Variants in ARIH1 observed in about 807,000 individuals in gnomAD.
ARIH1 encodes E3 ubiquitin-protein ligase ARIH1.
A neutral mutation model predicts 85.0 loss-of-function variants in ARIH1; 8 were observed. The ratio of observed to expected loss-of-function variants is 0.09; its 90% CI spans 0.06 to 0.17. ARIH1 has a LOEUF of 0.17. Ranked by LOEUF, ARIH1 falls within the 10% of genes least tolerant of loss-of-function variation. The pLI is 1.00. For missense variants in ARIH1, 311 were observed against 718.1 expected (o/e 0.43, Z 6.48); for synonymous variants, 238 against 253.6 (o/e 0.94, Z 0.59).
At chr15:72,533,087 GA>G (rs1739967576) in intron 2 of ARIH1, among the ~76,000 whole-genome samples, 1 of 152,134 alleles carries the variant, frequency 6.6e-6, no homozygotes, top group Non-Finnish European at 1.5e-5. Context: ...ATCAAAAAAT[GA>G]AAACAAAATA....
Position 72,602,542 on chromosome 15 carries a change from C to G in ARIH1, c.*19250C>G, listed in dbSNP as rs1430635790. The G allele has an allele frequency of 6.6e-6, 1 of 152,214 alleles. No individual in the cohort carries two copies. Among genetic ancestry groups the G allele is most frequent in the African/African-American group, 2.4e-5 (1 of 41,448 alleles). 9.4% of individuals were successfully genotyped at this position (152,214 alleles called of 1,614,324 possible). A position where few individuals can be genotyped will look rare whatever the true frequency, so the allele number is the denominator to read the frequency against. ...GTCTCGCCCTTGCAATTTAGATGTA[C>G]AATCTGCCTCTTCAGTGGTTTCCAC... On this transcript the variant is annotated 3_prime_UTR_variant, in exon 14 of 14. Transcript: ENST00000379887.
rs547838202 is a variant in ARIH1 at position 72,482,151 on chromosome 15, A to G, written c.375+7137A>G. Among the ~76,000 whole-genome samples the G allele has an allele frequency of 2.6e-5, 4 of 152,254 alleles. No individual in the cohort carries two copies. In the East Asian group the frequency reaches 7.7e-4, roughly 29 times the overall value. On this transcript the variant is annotated intron_variant, in intron 1 of 13. Transcript: ENST00000379887. ...GCACCCGGCCAGTATTTTCAAATAG[A>G]CAAACTAAACTAGTGACATCTGACA... is the stretch of plus-strand genomic sequence containing the variant.
intron 9 of ARIH1, among the ~76,000 whole-genome samples, chr15:72,568,173 G>A (rs551738277): frequency 1.3e-5 from 2 of 152,080 alleles, no homozygotes; most frequent in East Asian, 1.9e-4. Flanking sequence ...AAACCATCAC[G>A]ATAAGCATAA....
At position 72,556,028 on chromosome 15, in the gene ARIH1, G is replaced by C. The variant is rs1460575963; in HGVS notation, c.737+121G>C. 1.3e-5 allele frequency: 10 copies of C among 771,440 alleles called. No homozygotes were observed. The East Asian group carries it at 1.9e-4, about 15-fold the overall frequency. The allele number at this position is 771,440 out of a possible 1,614,324, so 47.8% of individuals were successfully genotyped here. ...AAAGTCTGAAGAAACTTTTTAATCT[G>C]CGTTCCTTAGTAGTAGTACAAAAGC... On this transcript the variant is annotated intron_variant, in intron 5 of 13. Transcript: ENST00000379887.
intron 11 of ARIH1, among the ~76,000 whole-genome samples, chr15:72,573,579 A>G (rs1442905580): frequency 6.6e-6 from 1 of 152,154 alleles, no homozygotes; most frequent in Non-Finnish European, 1.5e-5. Flanking sequence ...TAATAAAATG[A>G]CTGGGAAATT....
chr15:72,487,369 C>T (rs1421969178), intron 1 of ARIH1, among the ~76,000 whole-genome samples: 1 of 152,192 alleles, frequency 6.6e-6, no homozygotes. Flanking sequence ...TATGTCCTCT[C>T]TCCTAATCAC....
chr15:72,587,454 T>G lies in ARIH1; in HGVS notation c.*4162T>G. On this transcript the variant is annotated 3_prime_UTR_variant, in exon 14 of 14. Coordinates refer to ENST00000379887, the MANE Select transcript of ARIH1 (RefSeq NM_005744.5). ...GAATAAGTGGTTTAGTATGATTTGC[T>G]TAATAGTACCCAAGTAATTTGCAGT... The G allele has an allele frequency of 6.7e-6, 2 of 298,318 alleles. No homozygotes were observed. The highest frequency in any genetic ancestry group is 1.3e-5 in the Non-Finnish European group (2 of 152,368). 18.5% of individuals were successfully genotyped at this position (298,318 alleles called of 1,614,324 possible). A position where few individuals can be genotyped will look rare whatever the true frequency, so the allele number is the denominator to read the frequency against.
intron 2 of ARIH1, among the ~76,000 whole-genome samples, chr15:72,541,047 A>T (rs956026828): frequency 1.3e-5 from 2 of 152,152 alleles, no homozygotes; most frequent in African/African-American, 4.8e-5. Context: ...GGCCAACGCT[A>T]GTATGGAGGC....
At chr15:72,569,213 C>T (rs1388105384) in intron 9 of ARIH1, among the ~76,000 whole-genome samples, 6 of 152,100 alleles carry the variant, frequency 3.9e-5, no homozygotes, top group Non-Finnish European at 2.9e-5. Flanking sequence ...GAGACTGAGG[C>T]AGGAGGATGA....
At chr15:72,539,667 C>T (rs926627500) in intron 2 of ARIH1, among the ~76,000 whole-genome samples, 7 of 152,014 alleles carry the variant, frequency 4.6e-5, no homozygotes, top group African/African-American at 1.7e-4. Context: ...TAATTAATAT[C>T]CAAATGACAT....
chr15:72,479,864 A>G (rs999904127), intron 1 of ARIH1, among the ~76,000 whole-genome samples: 1 of 150,268 alleles, frequency 6.7e-6, no homozygotes, highest in African/African-American at 2.5e-5. Context: ...ACAGTGTACT[A>G]TTCTTTTTTT....
At chr15:72,517,581 C>T (rs2063980970) in intron 1 of ARIH1, among the ~76,000 whole-genome samples, 3 of 151,992 alleles carry the variant, frequency 2.0e-5, no homozygotes, top group Admixed American at 6.5e-5. Context: ...TGTACCACTA[C>T]ACCTGGCTAA....
At chr15:72,545,231 A>G (rs913364990) in intron 3 of ARIH1, among the ~76,000 whole-genome samples, 4 of 152,198 alleles carry the variant, frequency 2.6e-5, no homozygotes, top group Non-Finnish European at 5.9e-5. Flanking sequence ...TTATTCTATC[A>G]CCATGGGAGA....
chr15:72,570,056 T>C (rs1460930647), intron 9 of ARIH1, 121 bp from the exon 10 acceptor site: 2 of 1,095,658 alleles, frequency 1.8e-6, no homozygotes, highest in East Asian at 4.9e-5. Flanking sequence ...GTGCTTTATA[T>C]GTATTAACCA....
chr15:72,584,332 C>T lies in ARIH1; in HGVS notation c.*1040C>T, dbSNP rs2064307035. Reference sequence around the variant, plus strand: ...AATCCCCCTCCATGGCATCATGCCTCTACCCAAGCCTTTGTGTGCCCATGT... The same window carrying T: ...AATCCCCCTCCATGGCATCATGCCTTTACCCAAGCCTTTGTGTGCCCATGT... On this transcript the variant is annotated 3_prime_UTR_variant, in exon 14 of 14. Coordinates refer to ENST00000379887, the MANE Select transcript of ARIH1 (RefSeq NM_005744.5). 2 of 152,244 alleles carry T rather than the reference C, an allele frequency of 1.3e-5. No homozygotes were observed. Among genetic ancestry groups the T allele is most frequent in the African/African-American group, 4.8e-5 (2 of 41,462 alleles). The allele number at this position is 152,244 out of a possible 1,614,324, so 9.4% of individuals were successfully genotyped here. A position where few individuals can be genotyped will look rare whatever the true frequency, so the allele number is the denominator to read the frequency against.
At position 72,585,056 on chromosome 15, in the gene ARIH1, G is replaced by A. The variant is rs1181108799; in HGVS notation, c.*1764G>A. 1.3e-5 allele frequency: 2 copies of A among 152,004 alleles called. No homozygotes were observed. The highest frequency in any genetic ancestry group is 2.9e-5 in the Non-Finnish European group (2 of 67,986). 9.4% of individuals were successfully genotyped at this position (152,004 alleles called of 1,614,324 possible). On this transcript the variant is annotated 3_prime_UTR_variant, in exon 14 of 14. Transcript: ENST00000379887. ...CATCCTATTACTCCATTGGGAAGTA[G>A]GTTCACTTTCCTCTGGCCTTTTGCC... is the stretch of plus-strand genomic sequence containing the variant.
At chr15:72,543,036 G>A (rs892244660) in intron 2 of ARIH1, among the ~76,000 whole-genome samples, 5 of 150,638 alleles carry the variant, frequency 3.3e-5, no homozygotes, top group Non-Finnish European at 5.9e-5. Context: ...GGATTCAAGC[G>A]GTTCTCATGC....
rs1017004620 is a variant in ARIH1 at position 72,593,381 on chromosome 15, T to G, written c.*10089T>G. ...AACAAATTTTTTTTATAAAATCCAC[T>G]TTATCAGTTTTTTATTTTATGGTTT... On this transcript the variant is annotated 3_prime_UTR_variant, in exon 14 of 14. Transcript: ENST00000379887. The G allele has an allele frequency of 1.3e-5, 2 of 152,180 alleles. No individual in the cohort carries two copies. The highest frequency in any genetic ancestry group is 4.8e-5 in the African/African-American group (2 of 41,454). The allele number at this position is 152,180 out of a possible 1,614,324, so 9.4% of individuals were successfully genotyped here. A position where few individuals can be genotyped will look rare whatever the true frequency, so the allele number is the denominator to read the frequency against.
At chr15:72,505,151 C>T (rs540076550) in intron 1 of ARIH1, among the ~76,000 whole-genome samples, 38 of 152,272 alleles carry the variant, frequency 2.5e-4, no homozygotes, top group African/African-American at 8.9e-4. Flanking sequence ...AGGGTCTGTT[C>T]AAAGTGAAGA....
Sources: gnomAD v4.1 joint callset for allele counts (sites outside exome capture counted in the v4.1 genomes callset) on GRCh38, gnomAD v4.1.1 for gene constraint, MANE v1.5 for transcripts, NCBI Gene and HGNC (gene_info 2026-07-23, HGNC 2026-07-21) for gene names.